RPS29: variants seen among roughly 807,000 people sequenced by gnomAD.
RPS29 encodes the protein small ribosomal subunit protein uS14.
For missense variants in RPS29, 60 were observed against 75.7 expected (o/e 0.79, Z 0.77); for synonymous variants, 37 against 26.9 (o/e 1.37, Z -1.16).
chr14:49,576,123 CTTTTTTTT>C (rs5808506), exon 3 of RPS29: 1 of 146,062 alleles, frequency 6.8e-6, no homozygotes, highest in Non-Finnish European at 1.5e-5. Flanking sequence ...ATAGTGCAGC[CTTTTTTTT>C]TTTTTTAAGT....
At chr14:49,593,127 A>G (rs936036334) in intron 1 of RPS29, among the ~76,000 whole-genome samples, 2 of 152,210 alleles carry the variant, frequency 1.3e-5, no homozygotes, top group African/African-American at 4.8e-5. Context: ...AGCCGTATTA[A>G]TTGCATGTAA....
intron 1 of RPS29, chr14:49,592,216 T>G (rs947730623): frequency 4.1e-5 from 6 of 147,306 alleles, no homozygotes; most frequent in Non-Finnish European, 9.0e-5. Context: ...ATGCAAAAAG[T>G]TTTTTTTTTT....
exon 3 of RPS29, chr14:49,575,785 G>A (rs1881163953): frequency 6.6e-6 from 1 of 152,192 alleles, no homozygotes; most frequent in Non-Finnish European, 1.5e-5. Context: ...AGGAGGTTGA[G>A]GTTGCAATAA....
chr14:49,597,083 T>G (rs1379224928), intron 1 of RPS29, among the ~76,000 whole-genome samples: 1 of 152,008 alleles, frequency 6.6e-6, no homozygotes, highest in African/African-American at 2.4e-5. Flanking sequence ...CTGTCTAATT[T>G]TTGTATTTTT....
At chr14:49,575,082 C>A (rs1435150119) in exon 3 of RPS29, 1 of 152,648 alleles carries the variant, frequency 6.6e-6, no homozygotes, top group Non-Finnish European at 1.5e-5. Flanking sequence ...GCTCTGTCGC[C>A]CAGGCTGGAG....
chr14:49,586,868 A>AC (rs1881594963), upstream of RPS29: 2 of 160,738 alleles, frequency 1.2e-5, no homozygotes, highest in African/African-American at 4.8e-5. Flanking sequence ...ACATAGCGAG[A>AC]CCCCGTCTCT....
intron 2 of RPS29, 23 bp downstream of exon 2, chr14:49,585,927 G>A: frequency 6.3e-7 from 1 of 1,578,632 alleles, no homozygotes; most frequent in South Asian, 1.1e-5. Context: ...CAAACAACAT[G>A]GAGTACGCCT....
chr14:49,597,332 ACAGGCGTGAGCCACCGCACCTGG>A (rs1881853084), intron 1 of RPS29: 1 of 152,244 alleles, frequency 6.6e-6, no homozygotes, highest in African/African-American at 2.4e-5. Context: ...TGTTGGGCTT[ACAGGCGTGAGCCACCGCACCTGG>A]CGGAACATTT....
chr14:49,586,499 C>G (rs1881564054), upstream of RPS29: 2 of 690,874 alleles, frequency 2.9e-6, no homozygotes, highest in African/African-American at 1.8e-5. Context: ...AAAATGAAAT[C>G]TTAGAGGCGT....
upstream of RPS29, among the ~76,000 whole-genome samples, chr14:49,588,200 T>C (rs1336640560): frequency 6.6e-6 from 1 of 152,202 alleles, no homozygotes; most frequent in African/African-American, 2.4e-5. Flanking sequence ...TTTAGTACTC[T>C]GATATATAAG....
chr14:49,582,736 C>A (rs865972670), downstream of RPS29, among the ~76,000 whole-genome samples: 1 of 152,220 alleles, frequency 6.6e-6, no homozygotes. Context: ...CCTAACAACA[C>A]ATTTCTAATA....
exon 1 of RPS29, chr14:49,598,613 C>T (rs943387045): frequency 3.4e-5 from 24 of 701,472 alleles, no homozygotes; most frequent in South Asian, 3.3e-4. Flanking sequence ...CCTGCCTTCC[C>T]TCGGGAAACA....
downstream of RPS29, among the ~76,000 whole-genome samples, chr14:49,580,732 G>A (rs146341414): frequency 7.9e-5 from 12 of 152,142 alleles, no homozygotes; most frequent in Non-Finnish European, 1.6e-4. Context: ...AATCAGCCAG[G>A]CGTGGTGGCA....
exon 3 of RPS29, chr14:49,577,441 A>T: frequency 2.6e-6 from 1 of 384,902 alleles, no homozygotes; most frequent in South Asian, 2.5e-5. Context: ...GGTGACTCTG[A>T]TGACCACCTG....
intron 1 of RPS29, among the ~76,000 whole-genome samples, chr14:49,593,837 T>C (rs957581263): frequency 2.0e-5 from 3 of 151,500 alleles, no homozygotes; most frequent in Non-Finnish European, 4.4e-5. Context: ...TAATATTACA[T>C]ATAACCTGGA....
At chr14:49,573,454 CAG>C (rs1168926908) in exon 3 of RPS29, 1 of 121,368 alleles carries the variant, frequency 8.2e-6, no homozygotes, top group Admixed American at 1.0e-4. Flanking sequence ...GCCTGGACAA[CAG>C]AGTTAGAATC....
At chr14:49,587,538 G>T (rs1325100160), upstream of RPS29, among the ~76,000 whole-genome samples, 2 of 152,156 alleles carry the variant, frequency 1.3e-5, no homozygotes, top group African/African-American at 4.8e-5. Flanking sequence ...GGGTTCTAGT[G>T]GGGTCCCCCT....
At chr14:49,593,506 C>A (rs532431417) in intron 1 of RPS29, among the ~76,000 whole-genome samples, 17 of 151,896 alleles carry the variant, frequency 1.1e-4, no homozygotes, top group Admixed American at 9.2e-4. Context: ...GAGTTTGAGA[C>A]CAGCCTGACT....
At chr14:49,586,800 C>T (rs1429039240), upstream of RPS29, 5 of 212,426 alleles carry the variant, frequency 2.4e-5, no homozygotes, top group South Asian at 1.4e-4. Context: ...TCAAAACTCC[C>T]GTGCTGATCA....
Sources: gnomAD v4.1 joint callset for allele counts (sites outside exome capture counted in the v4.1 genomes callset) on GRCh38, gnomAD v4.1.1 for gene constraint, MANE v1.5 for transcripts, NCBI Gene and HGNC (gene_info 2026-07-23, HGNC 2026-07-21) for gene names.